MTA3: variants seen among roughly 807,000 people sequenced by gnomAD.
MTA3 encodes metastasis associated 1 family member 3.
MTA3 carries 34 observed loss-of-function variants against 83.5 expected under a neutral mutation model. That is an observed-to-expected ratio of 0.41 (90% CI 0.31 to 0.54). The LOEUF (loss-of-function observed/expected upper bound fraction) is 0.54, where lower values mean the gene tolerates loss of function less well. MTA3 is among the 20% of genes least tolerant of loss of function. The pLI, the probability that MTA3 is intolerant of heterozygous loss-of-function variation, is 0.33. For missense variants in MTA3, 761 were observed against 726.4 expected, an observed-to-expected ratio of 1.05 and a Z score of -0.55; for synonymous variants, 303 against 252.7, an observed-to-expected ratio of 1.20 and a Z score of -1.89.
At chr2:42,532,047 C>G (rs980650974) in intron 2 of MTA3, among the ~76,000 whole-genome samples, 1 of 152,216 alleles carries the variant, frequency 6.6e-6, no homozygotes, top group Non-Finnish European at 1.5e-5. Context: ...TGAGCCACCA[C>G]GCCCGACCAA....
chr2:42,714,260 A>G (rs552211154), intron 14 of MTA3, among the ~76,000 whole-genome samples: 1 of 152,210 alleles, frequency 6.6e-6, no homozygotes, highest in South Asian at 2.1e-4. Flanking sequence ...GGAACTTTTT[A>G]TATTTTAACA....
intron 11 of MTA3, chr2:42,703,983 A>G (rs966720023): frequency 2.1e-6 from 1 of 487,286 alleles, no homozygotes; most frequent in East Asian, 4.0e-5. Flanking sequence ...AATGTCAGGC[A>G]TAAGCAATTC....
intron 12 of MTA3, among the ~76,000 whole-genome samples, chr2:42,705,177 A>C (rs1468424745): frequency 2.0e-5 from 3 of 152,210 alleles, no homozygotes. Context: ...GTGTGAGCCA[A>C]GTTGCTGAAT....
intron 16 of MTA3, among the ~76,000 whole-genome samples, chr2:42,735,510 T>C (rs1014242569): frequency 6.6e-6 from 1 of 152,224 alleles, no homozygotes; most frequent in African/African-American, 2.4e-5. Flanking sequence ...TATCTTTCTC[T>C]AGGTTTGAGA....
Position 42,615,711 on chromosome 2 carries a change from C to CTTTTTTTTTTTTTTTTT in MTA3, c.317+6138_317+6154dup, listed in dbSNP as rs35331224. Among the ~76,000 whole-genome samples, 3 of 59,794 alleles carry CTTTTTTTTTTTTTTTTT rather than the reference C, an allele frequency of 5.0e-5. 1 individual carries two copies. Among genetic ancestry groups the CTTTTTTTTTTTTTTTTT allele is most frequent in the African/African-American group, 1.4e-4 (2 of 14,648 alleles). 39.2% of individuals were successfully genotyped at this position (59,794 alleles called of 152,430 possible). A position where few individuals can be genotyped will look rare whatever the true frequency, so the allele number is the denominator to read the frequency against. On this transcript the variant is annotated intron_variant, in intron 4 of 16. Coordinates refer to ENST00000405094, the MANE Select transcript of MTA3 (RefSeq NM_001330442.2). ...ACCACAGATACTTGAATAATCTCTTCTTTTTTTTTTTTTTTTTTTTTTTTT... is the reference window on the plus strand; with the variant it reads ...ACCACAGATACTTGAATAATCTCTTCTTTTTTTTTTTTTTTTTTTTTTTTTTTTTTTTTTTTTTTTTT...
chr2:42,535,115 G>T (rs572447531), intron 2 of MTA3, among the ~76,000 whole-genome samples: 1 of 151,952 alleles, frequency 6.6e-6, no homozygotes, highest in Non-Finnish European at 1.5e-5. Flanking sequence ...GGCTGGGCGC[G>T]GTGGCTCACG....
In MTA3 at chr2:42,754,447, C is replaced by CTT. The variant is rs1359412396; in HGVS notation, c.*1049_*1050dup. ...CCGGGGGACCTGCCTGCTCCTTTGGCTTGGGCTCTTCGTGTTTCCCACCTG... is the reference window on the plus strand; with the variant it reads ...CCGGGGGACCTGCCTGCTCCTTTGGCTTTTGGGCTCTTCGTGTTTCCCACCTG... On this transcript the variant is annotated 3_prime_UTR_variant, in exon 17 of 17. Coordinates refer to ENST00000405094, the MANE Select transcript of MTA3 (RefSeq NM_001330442.2). 1.0e-6 allele frequency: 1 copy of CTT among 985,578 alleles called. No homozygotes were observed. The highest frequency in any genetic ancestry group is 1.7e-5 in the African/African-American group (1 of 57,370). 61.1% of individuals were successfully genotyped at this position (985,578 alleles called of 1,614,324 possible).
intron 8 of MTA3, among the ~76,000 whole-genome samples, chr2:42,670,437 G>A (rs1224807051): frequency 6.6e-6 from 1 of 152,038 alleles, no homozygotes; most frequent in East Asian, 1.9e-4. Context: ...CATCTAATTG[G>A]CTTTCATTTA....
At chr2:42,676,923 TTC>T (rs2104423060) in intron 8 of MTA3, among the ~76,000 whole-genome samples, 1 of 152,334 alleles carries the variant, frequency 6.6e-6, no homozygotes, top group South Asian at 2.1e-4. Flanking sequence ...CTATTGATCT[TTC>T]TTTTCATTTT....
intron 3 of MTA3, among the ~76,000 whole-genome samples, chr2:42,606,424 G>A (rs1047374871): frequency 6.6e-6 from 1 of 151,632 alleles, no homozygotes; most frequent in African/African-American, 2.4e-5. Flanking sequence ...CCCAGACGGG[G>A]CGGCGGGGCA....
chr2:42,622,364 C>A (rs984792460), intron 4 of MTA3, among the ~76,000 whole-genome samples: 1 of 139,034 alleles, frequency 7.2e-6, no homozygotes, highest in African/African-American at 2.7e-5. Context: ...CAGTACCGTC[C>A]AGCTTCGGCT....
At chr2:42,717,876 T>C (rs1667136222) in intron 14 of MTA3, among the ~76,000 whole-genome samples, 1 of 152,220 alleles carries the variant, frequency 6.6e-6, no homozygotes, top group Non-Finnish European at 1.5e-5. Flanking sequence ...TTAGCAGCTG[T>C]CATTTATCTT....
chr2:42,546,368 G>C (rs891076260), intron 2 of MTA3, among the ~76,000 whole-genome samples: 1 of 152,118 alleles, frequency 6.6e-6, no homozygotes, highest in Non-Finnish European at 1.5e-5. Context: ...CCAGAATTAG[G>C]ATGTCCTTGT....
chr2:42,553,915 G>A (rs1677253710), intron 2 of MTA3, among the ~76,000 whole-genome samples: 1 of 140,522 alleles, frequency 7.1e-6, no homozygotes, highest in African/African-American at 2.6e-5. Flanking sequence ...AAGAAAGAAG[G>A]AAGAAGAAAA....
At chr2:42,642,645 T>C (rs7569981) in intron 5 of MTA3, among the ~76,000 whole-genome samples, 1 of 134,422 alleles carries the variant, frequency 7.4e-6, no homozygotes, top group African/African-American at 2.9e-5. Context: ...GTTAAGTTGG[T>C]TTTTTTTTTT....
At chr2:42,552,107 C>G (rs1677138010) in intron 2 of MTA3, among the ~76,000 whole-genome samples, 1 of 152,096 alleles carries the variant, frequency 6.6e-6, no homozygotes, top group African/African-American at 2.4e-5. Context: ...GTCCTCCCAC[C>G]TCTGCCTCCC....
At position 42,604,645 on chromosome 2, in the gene MTA3, G is replaced by A. The variant is rs1270852500; in HGVS notation, c.191-4813G>A. On this transcript the variant is annotated intron_variant, in intron 3 of 16. Transcript: ENST00000405094. ...GTTTCTCACAGAGGGGTATTTGGCA[G>A]GGTCATGGGACAATAGTGGAGGGAA... 2.9e-5 allele frequency among the ~76,000 whole-genome samples: 4 copies of A among 136,862 alleles called. No individual in the cohort carries two copies. In the East Asian group the frequency reaches 8.2e-4, roughly 28 times the overall value. 89.8% of individuals were successfully genotyped at this position (136,862 alleles called of 152,430 possible).
rs2104616905 is a variant in MTA3, at chr2:42,756,130, A to G, written c.*2731A>G. The G allele has an allele frequency of 1.7e-6, 1 of 590,504 alleles. No individual in the cohort carries two copies. Among genetic ancestry groups the G allele is most frequent in the African/African-American group, 2.0e-5 (1 of 49,960 alleles). 36.6% of individuals were successfully genotyped at this position (590,504 alleles called of 1,614,324 possible). A position where few individuals can be genotyped will look rare whatever the true frequency, so the allele number is the denominator to read the frequency against. ...GTGAGGGGCAACCCAGAGGTGGGGA[A>G]CAACAACAGCAAGCCGCCCCCATCC... is the stretch of plus-strand genomic sequence containing the variant. On this transcript the variant is annotated 3_prime_UTR_variant, in exon 17 of 17. Transcript: ENST00000405094.
At chr2:42,553,169 T>C (rs1313444970) in intron 2 of MTA3, among the ~76,000 whole-genome samples, 1 of 151,848 alleles carries the variant, frequency 6.6e-6, no homozygotes, top group African/African-American at 2.4e-5. Flanking sequence ...CTCAAGCCTG[T>C]AATCCCAGCA....
Sources: allele counts gnomAD v4.1 joint callset (sites outside exome capture counted in the v4.1 genomes callset), GRCh38; gene constraint gnomAD v4.1.1; transcripts MANE v1.5; gene names NCBI Gene and HGNC (gene_info 2026-07-23, HGNC 2026-07-21).